PDCL2: variants seen among roughly 807,000 people sequenced by gnomAD.
PDCL2 encodes phosducin-like protein 2.
In PDCL2, 23 loss-of-function variants were observed where a neutral mutation model predicts 30.3. The ratio of observed to expected loss-of-function variants is 0.76; its 90% CI spans 0.55 to 1.08. The LOEUF is 1.08. PDCL2 is among the 50% of genes least tolerant of loss of function. The pLI is 0.00. For synonymous variants in PDCL2, 68 were observed against 86.2 expected (o/e 0.79, Z 1.17); for missense variants, 243 against 282.3 (o/e 0.86, Z 1.00).
At chr4:55,579,456 G>T (rs1732650557) in intron 3 of PDCL2, among the ~76,000 whole-genome samples, 1 of 152,138 alleles carries the variant, frequency 6.6e-6, no homozygotes, top group African/African-American at 2.4e-5. Flanking sequence ...AGCTTCTCAA[G>T]TAGCTGGGAT....
intron 1 of PDCL2, among the ~76,000 whole-genome samples, chr4:55,587,216 T>TAAAAAAAAAAAAAAAAAAAAAA (rs869107656): frequency 9.5e-5 from 6 of 62,834 alleles, no homozygotes; most frequent in African/African-American, 3.7e-4. Context: ...GACAGAATAG[T>TAAAAAAAAAAAAAAAAAAAAAA]AAAAAAAAAA....
intron 3 of PDCL2, among the ~76,000 whole-genome samples, chr4:55,572,484 C>T (rs76786566): frequency 0.033 from 4,972 of 152,230 alleles, 280 homozygotes; most frequent in African/African-American, 0.11. Context: ...CAACTTTTGT[C>T]TCTAGAAACC....
At chr4:55,568,072 T>C (rs1732317783) in intron 4 of PDCL2, among the ~76,000 whole-genome samples, 1 of 152,234 alleles carries the variant, frequency 6.6e-6, no homozygotes, top group African/African-American at 2.4e-5. Context: ...ATACAGGCTA[T>C]ACAGGGTTAT....
At chr4:55,583,597 T>C (rs894889598) in intron 1 of PDCL2, among the ~76,000 whole-genome samples, 1 of 152,198 alleles carries the variant, frequency 6.6e-6, no homozygotes, top group Non-Finnish European at 1.5e-5. Flanking sequence ...TTTTTATAGA[T>C]GGAGTGGGAT....
intron 1 of PDCL2, among the ~76,000 whole-genome samples, chr4:55,588,720 C>G (rs1256992870): frequency 3.3e-5 from 5 of 151,962 alleles, no homozygotes; most frequent in Admixed American, 3.3e-4. Context: ...TACCCAGCAC[C>G]CTTTATTGAA....
At chr4:55,562,365 T>C in intron 5 of PDCL2, 39 bp downstream of exon 5, 1 of 1,310,634 alleles carries the variant, frequency 7.6e-7, no homozygotes, top group East Asian at 2.7e-5. Context: ...TGCAGATGTT[T>C]TCACCTATCA....
Position 55,592,203 on chromosome 4 carries a change from C to A in PDCL2, c.-94G>T. Reference sequence around the variant, plus strand: ...CGCAGCCTTCTCCAGGCTGGAAGAGCGCCCGCTTCAGGCCCGGCGGTTTCG... The same window carrying A: ...CGCAGCCTTCTCCAGGCTGGAAGAGAGCCCGCTTCAGGCCCGGCGGTTTCG... On this transcript the variant is annotated 5_prime_UTR_variant, in exon 1 of 6. Transcript: ENST00000295645. The A allele has an allele frequency of 1.3e-6, 2 of 1,552,886 alleles. No individual in the cohort carries two copies. The highest frequency in any genetic ancestry group is 1.7e-6 in the Non-Finnish European group (2 of 1,146,176).
At chr4:55,557,157 G>A (rs112287741) in intron 5 of PDCL2, among the ~76,000 whole-genome samples, 7 of 152,278 alleles carry the variant, frequency 4.6e-5, no homozygotes, top group African/African-American at 9.6e-5. Flanking sequence ...CTTTAGAACC[G>A]GGTGACAGTA....
At position 55,569,876 on chromosome 4, in the gene PDCL2, A is replaced by C; in HGVS notation, c.219-15T>G. On this transcript the variant is annotated splice_polypyrimidine_tract_variant and intron_variant, in intron 3 of 5. Transcript: ENST00000295645. ...ACCGCTTCTTTCTAATTAAAACATG[A>C]AATTAAATTACATAAGAATACTGTC... 1 of 1,455,048 alleles carries C rather than the reference A, an allele frequency of 6.9e-7. No homozygotes were observed. Among genetic ancestry groups the C allele is most frequent in the Non-Finnish European group, 9.3e-7 (1 of 1,074,214 alleles). The allele number at this position is 1,455,048 out of a possible 1,614,324, so 90.1% of individuals were successfully genotyped here.
At chr4:55,590,057 C>A (rs532128575) in intron 1 of PDCL2, among the ~76,000 whole-genome samples, 51 of 151,464 alleles carry the variant, frequency 3.4e-4, no homozygotes, top group South Asian at 3.4e-3. Flanking sequence ...ATTAGCCAGG[C>A]GTGGTGGTGC....
intron 3 of PDCL2, among the ~76,000 whole-genome samples, chr4:55,570,894 T>C (rs189914320): frequency 5.2e-4 from 80 of 152,382 alleles, no homozygotes; most frequent in African/African-American, 1.9e-3. Context: ...CCATATTTTC[T>C]TATTTTATGT....
At chr4:55,569,694 A>C in intron 4 of PDCL2, 24 bp downstream of exon 4, 1 of 1,473,768 alleles carries the variant, frequency 6.8e-7, no homozygotes, top group South Asian at 1.4e-5. Context: ...GTATATTAAC[A>C]TTTTGAAATA....
At position 55,569,853 on chromosome 4, in the gene PDCL2, C is replaced by T. The variant is rs150327134; in HGVS notation, c.227G>A (p.Arg76Gln). 303 of 1,510,670 alleles carry T rather than the reference C, an allele frequency of 2.0e-4. 2 individuals are homozygous for T. The East Asian group carries it at 4.9e-3, about 25-fold the overall frequency. 93.6% of individuals were successfully genotyped at this position (1,510,670 alleles called of 1,614,324 possible). A position where few individuals can be genotyped will look rare whatever the true frequency, so the allele number is the denominator to read the frequency against. ...MQAVETYRKK[R>Q]LQEWKALKKK... ...CTTAAGAGCTTTCCATTCCTGTAACCGCTTCTTTCTAATTAAAACATGAAA... is the reference window on the plus strand; with the variant it reads ...CTTAAGAGCTTTCCATTCCTGTAACTGCTTCTTTCTAATTAAAACATGAAA... The change falls in exon 4 of 6, where the codon CGG becomes CAG. Residue 76 changes from arginine to glutamine, a missense_variant. Transcript: ENST00000295645.
intron 4 of PDCL2, among the ~76,000 whole-genome samples, chr4:55,568,991 T>C (rs1021979957): frequency 4.6e-5 from 7 of 152,218 alleles, no homozygotes; most frequent in Admixed American, 4.6e-4. Flanking sequence ...ACCCTTTCTG[T>C]TGTCTTATCA....
intron 5 of PDCL2, 25 bp from the exon 6 acceptor site, chr4:55,556,736 G>A: frequency 6.8e-7 from 1 of 1,471,486 alleles, no homozygotes; most frequent in Non-Finnish European, 9.0e-7. Flanking sequence ...CCATCATTCA[G>A]TTAAAAATCT....
intron 5 of PDCL2, among the ~76,000 whole-genome samples, chr4:55,560,703 A>G (rs1358640735): frequency 2.0e-5 from 3 of 152,182 alleles, no homozygotes; most frequent in East Asian, 3.9e-4. Context: ...TGTCTCCCCA[A>G]AATTCATATG....
intron 3 of PDCL2, among the ~76,000 whole-genome samples, chr4:55,576,004 G>A (rs1384334352): frequency 6.6e-6 from 1 of 152,124 alleles, no homozygotes; most frequent in African/African-American, 2.4e-5. Context: ...GAGGAACATG[G>A]TGAAGTTAAC....
intron 5 of PDCL2, among the ~76,000 whole-genome samples, chr4:55,560,244 G>C (rs1356195593): frequency 6.6e-6 from 1 of 151,616 alleles, no homozygotes; most frequent in Non-Finnish European, 1.5e-5. Context: ...CCCTAAGGAA[G>C]CAGGGAGGGG....
At chr4:55,559,679 G>A (rs948792142) in intron 5 of PDCL2, among the ~76,000 whole-genome samples, 1 of 152,076 alleles carries the variant, frequency 6.6e-6, no homozygotes, top group Non-Finnish European at 1.5e-5. Flanking sequence ...AATTAAAAAC[G>A]GAGATGAGCA....
Sources: gnomAD v4.1 joint callset for allele counts (sites outside exome capture counted in the v4.1 genomes callset) on GRCh38, gnomAD v4.1.1 for gene constraint, MANE v1.5 for transcripts, NCBI Gene and HGNC (gene_info 2026-07-23, HGNC 2026-07-21) for gene names.